Variants in ITPR1 observed in about 807,000 individuals in gnomAD.
The protein encoded by ITPR1 is inositol 1,4,5-trisphosphate receptor type 1.
ITPR1 carries 96 observed loss-of-function variants against 318.4 expected under a neutral mutation model. The ratio of observed to expected loss-of-function variants is 0.30; its 90% CI spans 0.26 to 0.36. The LOEUF is 0.36. Among genes scored for constraint, ITPR1 ranks in the 10% least tolerant of loss-of-function variants. The probability of loss-of-function intolerance (pLI) is 1.00; values close to 1 mark genes in which losing one functional copy is unlikely to be tolerated. For synonymous variants in ITPR1, 1,312 were observed against 1,289.9 expected (o/e 1.02, Z -0.37); for missense variants, 2,440 against 3,460.2 (o/e 0.71, Z 7.40).
chr3:4,645,285 A>G (rs1272406276), intron 8 of ITPR1, 102 bp from the exon 9 acceptor site: 7 of 783,598 alleles, frequency 8.9e-6, no homozygotes, highest in Non-Finnish European at 1.6e-5. Flanking sequence ...TTTTAGTCTC[A>G]AGTACAGCCT....
chr3:4,572,047 C>A (rs952214230), intron 4 of ITPR1, among the ~76,000 whole-genome samples: 1 of 152,222 alleles, frequency 6.6e-6, no homozygotes, highest in African/African-American at 2.4e-5. Context: ...ATTCCTGAGT[C>A]TACTTGTGAG....
At position 4,730,216 on chromosome 3, in the gene ITPR1, T is replaced by TAAAA. The variant is rs538473209; in HGVS notation, c.5221-2861_5221-2858dup. On this transcript the variant is annotated intron_variant, in intron 42 of 61. Coordinates refer to ENST00000649015, the MANE Select transcript of ITPR1 (RefSeq NM_001378452.1). Reference sequence around the variant, plus strand: ...TCAAAAAAGGAATGAATCTCATCTTTAAAAAAAAAAAAAACAAAAAAAAAC... The same window carrying TAAAA: ...TCAAAAAAGGAATGAATCTCATCTTTAAAAAAAAAAAAAAAAAACAAAAAAAAAC... 4.3e-5 allele frequency among the ~76,000 whole-genome samples: 5 copies of TAAAA among 116,928 alleles called. 1 individual carries two copies. The highest frequency in any genetic ancestry group is 5.5e-5 in the Non-Finnish European group (3 of 54,428). The allele number at this position is 116,928 out of a possible 152,430, so 76.7% of individuals were successfully genotyped here.
At chr3:4,722,468 A>G (rs1176007521) in intron 40 of ITPR1, among the ~76,000 whole-genome samples, 3 of 151,986 alleles carry the variant, frequency 2.0e-5, no homozygotes, top group Admixed American at 6.5e-5. Context: ...TTCACCTTTC[A>G]TGTAAAAAAC....
chr3:4,776,034 A>C (rs1298603262), intron 47 of ITPR1, among the ~76,000 whole-genome samples: 1 of 152,154 alleles, frequency 6.6e-6, no homozygotes, highest in African/African-American at 2.4e-5. Context: ...ATGGCATCTT[A>C]AGGATTTTGT....
At chr3:4,659,666 A>T (rs1433365839) in intron 13 of ITPR1, among the ~76,000 whole-genome samples, 4 of 152,006 alleles carry the variant, frequency 2.6e-5, no homozygotes, top group African/African-American at 9.7e-5. Context: ...AGCCTGGGTG[A>T]CAGAGTGAGA....
intron 5 of ITPR1, among the ~76,000 whole-genome samples, chr3:4,629,528 C>T (rs1384251534): frequency 1.3e-5 from 2 of 152,202 alleles, no homozygotes; most frequent in Non-Finnish European, 2.9e-5. Flanking sequence ...CAGGTGGTGG[C>T]ATTATCTCTC....
intron 5 of ITPR1, among the ~76,000 whole-genome samples, chr3:4,635,985 C>A (rs568274943): frequency 2.5e-4 from 38 of 152,004 alleles, no homozygotes; most frequent in Non-Finnish European, 5.1e-4. Flanking sequence ...CTCAGCCTCC[C>A]GAGCAGCTGG....
At chr3:4,793,463 CTT>C (rs1559906862) in intron 52 of ITPR1, among the ~76,000 whole-genome samples, 1 of 152,236 alleles carries the variant, frequency 6.6e-6, no homozygotes, top group Admixed American at 6.5e-5. Context: ...GTTATCAACT[CTT>C]TGCCATTCAT....
Position 4,670,588 on chromosome 3 carries a change from T to C in ITPR1, c.2007-141T>C, listed in dbSNP as rs112999071. 1,563 of 655,848 alleles carry C rather than the reference T, an allele frequency of 2.4e-3. 13 individuals are homozygous for C. The highest frequency in any genetic ancestry group is 0.019 in the African/African-American group (1,039 of 55,486). The allele number at this position is 655,848 out of a possible 1,614,324, so 40.6% of individuals were successfully genotyped here. ...GGGTTACAGTATATGAAGATGTTAA[T>C]GTCAGGCTCTCTGCGGCTCTGCCCT... On this transcript the variant is annotated intron_variant, in intron 19 of 61. Transcript: ENST00000649015.
chr3:4,696,229 C>A (rs1426800409), intron 33 of ITPR1, among the ~76,000 whole-genome samples: 1 of 152,164 alleles, frequency 6.6e-6, no homozygotes, highest in Admixed American at 6.5e-5. Flanking sequence ...ATATTTTCAT[C>A]ACCCCAAAAA....
At chr3:4,704,481 C>G (rs929501101) in intron 36 of ITPR1, among the ~76,000 whole-genome samples, 1 of 152,102 alleles carries the variant, frequency 6.6e-6, no homozygotes, top group African/African-American at 2.4e-5. Flanking sequence ...TCGATCATAC[C>G]CTAAACCTCA....
At chr3:4,576,334 A>G (rs1362412243) in intron 4 of ITPR1, among the ~76,000 whole-genome samples, 1 of 152,256 alleles carries the variant, frequency 6.6e-6, no homozygotes, top group East Asian at 1.9e-4. Context: ...TATCTTGGTA[A>G]CAAGTTAAAA....
At chr3:4,637,401 G>T (rs114471773) in intron 5 of ITPR1, among the ~76,000 whole-genome samples, 2 of 152,204 alleles carry the variant, frequency 1.3e-5, no homozygotes, top group African/African-American at 4.8e-5. Context: ...GTAAGCTCAG[G>T]TGTGAAATTA....
intron 16 of ITPR1, 107 bp from the exon 17 acceptor site, chr3:4,665,031 T>A: frequency 4.2e-6 from 5 of 1,197,202 alleles, no homozygotes; most frequent in Non-Finnish European, 6.2e-6. Context: ...GATAGAGAAA[T>A]TTTCTAATGT....
At chr3:4,668,474 C>CT (rs1178038594) in intron 18 of ITPR1, among the ~76,000 whole-genome samples, 1,522 of 146,160 alleles carry the variant, frequency 0.01, 21 homozygotes, top group African/African-American at 0.034. Flanking sequence ...TTCCCTTTTT[C>CT]TTTTTTTTTT....
chr3:4,580,556 G>C (rs1216501530), intron 4 of ITPR1, among the ~76,000 whole-genome samples: 1 of 152,228 alleles, frequency 6.6e-6, no homozygotes, highest in Non-Finnish European at 1.5e-5. Flanking sequence ...GGTGACAGAT[G>C]AACAGCAGAG....
chr3:4,718,883 T>G (rs2041950534), intron 40 of ITPR1, among the ~76,000 whole-genome samples: 1 of 152,220 alleles, frequency 6.6e-6, no homozygotes, highest in African/African-American at 2.4e-5. Flanking sequence ...TTGGCACCCT[T>G]TAAGACTCTT....
chr3:4,672,913 G>A (rs1469753041), intron 20 of ITPR1, among the ~76,000 whole-genome samples: 1 of 152,152 alleles, frequency 6.6e-6, no homozygotes, highest in East Asian at 1.9e-4. Flanking sequence ...ATGTGTTCCT[G>A]TTGGCTGTCA....
At chr3:4,841,729 A>G (rs904267918) in intron 61 of ITPR1, among the ~76,000 whole-genome samples, 2 of 152,210 alleles carry the variant, frequency 1.3e-5, no homozygotes, top group Non-Finnish European at 2.9e-5. Context: ...GTCTTCTCAG[A>G]GGTGGTAATT....
Sources: gnomAD v4.1 joint callset for allele counts (sites outside exome capture counted in the v4.1 genomes callset) on GRCh38, gnomAD v4.1.1 for gene constraint, MANE v1.5 for transcripts, NCBI Gene and HGNC (gene_info 2026-07-23, HGNC 2026-07-21) for gene names.